CYP2C19: variants seen among roughly 807,000 people sequenced by gnomAD.
CYP2C19 encodes cytochrome P450 2C19.
A neutral mutation model predicts 40.9 loss-of-function variants in CYP2C19; 59 were observed. The ratio of observed to expected loss-of-function variants is 1.44; its 90% CI spans 1.17 to 1.79. The LOEUF (loss-of-function observed/expected upper bound fraction) is 1.79, where lower values mean the gene tolerates loss of function less well. CYP2C19 is among the 40% of genes most tolerant of loss of function. CYP2C19 has a pLI of 0.00. For synonymous variants in CYP2C19, 253 were observed against 208.7 expected (o/e 1.21, Z -1.83); for missense variants, 754 against 596.9 (o/e 1.26, Z -2.74).
At chr10:94,802,682 T>A (rs1414694916) in intron 5 of CYP2C19, among the ~76,000 whole-genome samples, 1 of 152,140 alleles carries the variant, frequency 6.6e-6, no homozygotes, top group African/African-American at 2.4e-5. Flanking sequence ...ACAGAGTCAA[T>A]GATCTTTACA....
chr10:94,775,428 C>T lies in CYP2C19; in HGVS notation c.370C>T (p.Arg124Trp), dbSNP rs202170044. 3.0e-5 allele frequency: 49 copies of T among 1,613,926 alleles called. No individual in the cohort carries two copies. Among genetic ancestry groups the T allele is most frequent in the South Asian group, 4.4e-5 (4 of 91,074 alleles). ...FSNGKRWKEI[R>W]RFSLMTLRNF... is the part of the protein sequence containing the mutation. Reference sequence around the variant, plus strand: ...CAATGGAAAGAGATGGAAGGAGATCCGGCGTTTCTCCCTCATGACGCTGCG... The same window carrying T: ...CAATGGAAAGAGATGGAAGGAGATCTGGCGTTTCTCCCTCATGACGCTGCG... Residue 124 changes from arginine to tryptophan, a missense_variant, in exon 3 of 9, where the codon CGG (arginine) becomes TGG (tryptophan). Transcript: ENST00000371321.
chr10:94,827,283 G>T (rs545787013), intron 6 of CYP2C19, among the ~76,000 whole-genome samples: 2 of 151,936 alleles, frequency 1.3e-5, no homozygotes, highest in East Asian at 1.9e-4. Context: ...CTGTGAATCC[G>T]TCTGGTCCTG....
intron 5 of CYP2C19, among the ~76,000 whole-genome samples, chr10:94,797,256 G>T (rs1250185486): frequency 2.0e-5 from 3 of 151,992 alleles, no homozygotes; most frequent in Admixed American, 1.3e-4. Flanking sequence ...TAATCATGTG[G>T]TTTTTGTCTT....
At chr10:94,786,280 G>C (rs778229882) in intron 5 of CYP2C19, among the ~76,000 whole-genome samples, 8 of 152,058 alleles carry the variant, frequency 5.3e-5, no homozygotes, top group Non-Finnish European at 1.2e-4. Context: ...AAAAGGTCAC[G>C]GGTATTTTGG....
At chr10:94,837,846 G>A (rs1849429272) in intron 6 of CYP2C19, among the ~76,000 whole-genome samples, 1 of 152,326 alleles carries the variant, frequency 6.6e-6, no homozygotes, top group Admixed American at 6.5e-5. Context: ...CTGACTCAGA[G>A]GACCTTCATC....
rs1207390274 is a variant in CYP2C19 at position 94,831,731 on chromosome 10, C to T, written c.961+11094C>T. ...GAGAAATGTCTATTCAAATCTTTTG[C>T]CCACTTGTGGACTTGATTATTAGAT... is the stretch of plus-strand genomic sequence containing the variant. On this transcript the variant is annotated intron_variant, in intron 6 of 8. Transcript: ENST00000371321. 2.0e-5 allele frequency among the ~76,000 whole-genome samples: 3 copies of T among 152,130 alleles called. No homozygotes were observed. In the East Asian group the frequency reaches 5.8e-4, roughly 29 times the overall value.
In CYP2C19 at chr10:94,781,826, C is replaced by T. The variant is rs576823729; in HGVS notation, c.648C>T (p.Cys216=). 5.6e-6 allele frequency: 8 copies of T among 1,420,884 alleles called. No homozygotes were observed. The highest frequency in any genetic ancestry group is 7.4e-6 in the Non-Finnish European group (8 of 1,079,072). 88.0% of individuals were successfully genotyped at this position (1,420,884 alleles called of 1,614,324 possible). A position where few individuals can be genotyped will look rare whatever the true frequency, so the allele number is the denominator to read the frequency against. Residue 216 remains cysteine, a synonymous_variant, in exon 5 of 9, where the codon TGC becomes TGT. Coordinates refer to ENST00000371321, the MANE Select transcript of CYP2C19 (RefSeq NM_000769.4). ...AAATTATTGTTTTCTCTTAGATATGCAATAATTTTCCCACTATCATTGATT... is the reference window on the plus strand; with the variant it reads ...AAATTATTGTTTTCTCTTAGATATGTAATAATTTTCCCACTATCATTGATT... ...RIVSTPWIQI[C]NNFPTIIDYF... is the part of the protein sequence containing the mutation.
intron 5 of CYP2C19, among the ~76,000 whole-genome samples, chr10:94,796,512 C>T (rs370117909): frequency 2.0e-5 from 3 of 152,030 alleles, no homozygotes; most frequent in East Asian, 1.9e-4. Context: ...TTTAAAGTAG[C>T]TTTTTCCAAT....
intron 5 of CYP2C19, among the ~76,000 whole-genome samples, chr10:94,819,192 G>A (rs1469165299): frequency 7.0e-5 from 10 of 142,422 alleles, no homozygotes; most frequent in South Asian, 2.4e-4. Flanking sequence ...TGAAACCAAC[G>A]AGAACAAAGA....
At chr10:94,762,996 G>A in intron 1 of CYP2C19, 123 bp downstream of exon 1, 2 of 1,020,528 alleles carry the variant, frequency 2.0e-6, no homozygotes, top group African/African-American at 1.6e-5. Flanking sequence ...ACTTTGAAAG[G>A]CTTTTGTTGC....
chr10:94,847,968 T>C (rs1461647908), intron 7 of CYP2C19, among the ~76,000 whole-genome samples: 2 of 152,226 alleles, frequency 1.3e-5, no homozygotes, highest in Non-Finnish European at 2.9e-5. Context: ...TTGTAGATTC[T>C]GGATATTAGC....
At chr10:94,803,839 G>T (rs1157413041) in intron 5 of CYP2C19, among the ~76,000 whole-genome samples, 1 of 152,182 alleles carries the variant, frequency 6.6e-6, no homozygotes, top group African/African-American at 2.4e-5. Context: ...AGGAAGGGGA[G>T]GGTGGCTCAG....
intron 4 of CYP2C19, among the ~76,000 whole-genome samples, chr10:94,781,538 G>T (rs773907495): frequency 1.3e-5 from 2 of 152,014 alleles, no homozygotes; most frequent in East Asian, 1.9e-4. Flanking sequence ...GAGAAGAATT[G>T]TTGTAAAAAG....
intron 1 of CYP2C19, among the ~76,000 whole-genome samples, chr10:94,772,985 G>A (rs1436028738): frequency 2.0e-5 from 3 of 152,056 alleles, no homozygotes; most frequent in South Asian, 2.1e-4. Flanking sequence ...GTTTCACCTT[G>A]TTAGCCAGGA....
At chr10:94,778,050 G>C (rs1276649458) in intron 3 of CYP2C19, among the ~76,000 whole-genome samples, 1 of 152,184 alleles carries the variant, frequency 6.6e-6, no homozygotes, top group Middle Eastern at 3.2e-3. Flanking sequence ...TGAGGTGTAA[G>C]AGCAGCTAGG....
rs1299667179 is a variant in CYP2C19, at chr10:94,853,687, A to C, written c.*773A>C. On this transcript the variant is annotated 3_prime_UTR_variant, in exon 9 of 9. Coordinates refer to ENST00000371321, the MANE Select transcript of CYP2C19 (RefSeq NM_000769.4). ...CAGCCTCCTGAGTAGCTGGGATTACAGACACGTGCCACCATGCCTGGCTAA... is the reference window on the plus strand; with the variant it reads ...CAGCCTCCTGAGTAGCTGGGATTACCGACACGTGCCACCATGCCTGGCTAA... Among the ~76,000 whole-genome samples, 1 of 151,824 alleles carries C rather than the reference A, an allele frequency of 6.6e-6. No individual in the cohort carries two copies. The highest frequency in any genetic ancestry group is 1.5e-5 in the Non-Finnish European group (1 of 67,988).
chr10:94,854,103 C>T lies in CYP2C19; in HGVS notation c.*1189C>T, dbSNP rs1849697125. On this transcript the variant is annotated 3_prime_UTR_variant, in exon 9 of 9. Transcript: ENST00000371321. Reference sequence around the variant, plus strand: ...GTGCGATCTCGGCTCACTGCAATCTCCACCTCCTGGATTCAAGTGGTTCTC... The same window carrying T: ...GTGCGATCTCGGCTCACTGCAATCTTCACCTCCTGGATTCAAGTGGTTCTC... Among the ~76,000 whole-genome samples the T allele has an allele frequency of 1.0e-5, 1 of 97,046 alleles. No homozygotes were observed. 63.7% of individuals were successfully genotyped at this position (97,046 alleles called of 152,430 possible).
At chr10:94,774,665 C>A in intron 1 of CYP2C19, 1 of 207,250 alleles carries the variant, frequency 4.8e-6, no homozygotes, top group Non-Finnish European at 9.8e-6. Flanking sequence ...CACAAGAGTG[C>A]TGATAAATTT....
intron 5 of CYP2C19, among the ~76,000 whole-genome samples, chr10:94,807,054 C>T (rs1455349091): frequency 6.6e-6 from 1 of 152,090 alleles, no homozygotes; most frequent in Non-Finnish European, 1.5e-5. Context: ...CCCCTTACTT[C>T]TCTACCTCTA....
Sources: allele counts gnomAD v4.1 joint callset (sites outside exome capture counted in the v4.1 genomes callset), GRCh38; gene constraint gnomAD v4.1.1; transcripts MANE v1.5; gene names NCBI Gene and HGNC (gene_info 2026-07-23, HGNC 2026-07-21).